The following SVEP1 variants were observed in gnomAD, a reference collection of about 807,000 sequenced individuals.
The protein encoded by SVEP1 is sushi, von Willebrand factor type A, EGF and pentraxin domain-containing protein 1.
Under a neutral mutation model 367.3 loss-of-function variants are expected in SVEP1, and 164 were observed. The ratio of observed to expected loss-of-function variants is 0.45; its 90% CI spans 0.39 to 0.51. The LOEUF (loss-of-function observed/expected upper bound fraction) is 0.51, where lower values mean the gene tolerates loss of function less well. Among genes scored for constraint, SVEP1 ranks in the 20% least tolerant of loss-of-function variants. SVEP1 has a pLI of 0.00. For missense variants in SVEP1, 4,117 were observed against 4,425.3 expected, an observed-to-expected ratio of 0.93 and a Z score of 1.98; for synonymous variants, 1,666 against 1,611.6, an observed-to-expected ratio of 1.03 and a Z score of -0.81.
chr9:110,563,862 T>G (rs1343244234), intron 1 of SVEP1, among the ~76,000 whole-genome samples: 2 of 152,344 alleles, frequency 1.3e-5, no homozygotes, highest in Non-Finnish European at 2.9e-5. Context: ...TGGTTCTCTG[T>G]GCAGTCTTAA....
rs770983477 is a variant in SVEP1, at chr9:110,406,696, C to A, written c.8904G>T (p.Gly2968=). ...GAAAGCACTGATACTGTATATGGCC[C>A]CCATGAATAAAGGAAAAACCATTAG... ...GFPNGFSFIH[G]GHIQYQCFPG... is the part of the protein sequence containing the mutation. Residue 2968 remains glycine, a synonymous_variant, in exon 38 of 48, where the codon GGG becomes GGT. Coordinates refer to ENST00000374469, the MANE Select transcript of SVEP1 (RefSeq NM_153366.4). The A allele has an allele frequency of 6.2e-7, 1 of 1,613,924 alleles. No individual in the cohort carries two copies. The highest frequency in any genetic ancestry group is 1.1e-5 in the South Asian group (1 of 91,082).
rs750971836 is a variant in SVEP1, at chr9:110,514,097, G to A, written c.974C>T (p.Ser325Leu). Residue 325 changes from serine to leucine, a missense_variant, in exon 4 of 48, where the codon TCG (serine) becomes TTG (leucine). Ser to Leu is a moderately radical substitution (Grantham distance 145). Transcript: ENST00000374469. ...GLQYECTACP[S>L]GTYKPEGSPG... ...TGAGCCTTCAGGTTTGTATGTCCCC[G>A]ATGGGCAAGCTGTGGGCAGACAAGC... The A allele has an allele frequency of 1.4e-5, 22 of 1,609,138 alleles. No individual in the cohort carries two copies. Among genetic ancestry groups the A allele is most frequent in the Admixed American group, 1.7e-5 (1 of 59,330 alleles).
chr9:110,564,998 T>C lies in SVEP1; in HGVS notation c.531+14015A>G, dbSNP rs557286796. The stretch of plus-strand genomic sequence containing the variant: ...AATATGCACTGGACATATAAATGAA[T>C]CTAGTTTATTACCTACCATACTTGA... On this transcript the variant is annotated intron_variant, in intron 1 of 47. Coordinates refer to ENST00000374469, the MANE Select transcript of SVEP1 (RefSeq NM_153366.4). Among the ~76,000 whole-genome samples, 33 of 152,260 alleles carry C rather than the reference T, an allele frequency of 2.2e-4. No individual in the cohort carries two copies. In the South Asian group the frequency reaches 5.2e-3, roughly 24 times the overall value.
At chr9:110,374,216 T>C (rs1182822916) in intron 46 of SVEP1, among the ~76,000 whole-genome samples, 3 of 152,208 alleles carry the variant, frequency 2.0e-5, no homozygotes, top group African/African-American at 7.2e-5. Flanking sequence ...GTTCCCATCA[T>C]TTAGCTCCCA....
At position 110,386,597 on chromosome 9, in the gene SVEP1, G is replaced by A. The variant is rs1268207587; in HGVS notation, c.10061-523C>T. ...CTATGGGCAGGATATTAGAACTAGT[G>A]GAGTTTGCATGTTTTATTGATAAAG... On this transcript the variant is annotated intron_variant, in intron 42 of 47. Transcript: ENST00000374469. Among the ~76,000 whole-genome samples the A allele has an allele frequency of 2.6e-5, 4 of 152,044 alleles. No homozygotes were observed. The East Asian group carries it at 7.7e-4, about 29-fold the overall frequency.
At chr9:110,487,276 A>G (rs1323651295) in intron 9 of SVEP1, among the ~76,000 whole-genome samples, 2 of 152,126 alleles carry the variant, frequency 1.3e-5, no homozygotes, top group Non-Finnish European at 2.9e-5. Context: ...ATAATTTGGG[A>G]ATTCAGTTAA....
chr9:110,465,731 A>T, intron 18 of SVEP1, 134 bp downstream of exon 18: 1 of 1,176,120 alleles, frequency 8.5e-7, no homozygotes, highest in Non-Finnish European at 1.2e-6. Flanking sequence ...AAACAAAAAA[A>T]CCTCTTTATG....
chr9:110,541,805 CTA>C (rs1482086837), intron 3 of SVEP1, among the ~76,000 whole-genome samples: 1 of 141,510 alleles, frequency 7.1e-6, no homozygotes, highest in East Asian at 2.1e-4. Flanking sequence ...CTATATATAT[CTA>C]TATACATAGA....
chr9:110,429,869 C>A, intron 34 of SVEP1, 51 bp downstream of exon 34: 1 of 1,480,078 alleles, frequency 6.8e-7, no homozygotes, highest in Admixed American at 1.7e-5. Flanking sequence ...ATATCACTAC[C>A]AGTATGCCAT....
At chr9:110,537,455 G>A (rs1830092878) in intron 3 of SVEP1, among the ~76,000 whole-genome samples, 2 of 151,918 alleles carry the variant, frequency 1.3e-5, no homozygotes, top group South Asian at 2.1e-4. Context: ...ACTCAGTCTA[G>A]TAGCACCTTT....
chr9:110,451,198 A>C (rs1828688127), intron 23 of SVEP1, 91 bp downstream of exon 23: 1 of 1,055,102 alleles, frequency 9.5e-7, no homozygotes, highest in Non-Finnish European at 1.4e-6. Context: ...AAAATCCAAA[A>C]ATTCACATTA....
intron 3 of SVEP1, among the ~76,000 whole-genome samples, chr9:110,524,349 TATAA>T (rs1250748169): frequency 1.3e-5 from 2 of 151,970 alleles, no homozygotes; most frequent in Non-Finnish European, 2.9e-5. Context: ...AGATGCAGAG[TATAA>T]ATAAACAAAA....
intron 10 of SVEP1, 93 bp downstream of exon 10, chr9:110,483,493 T>C (rs1208474050): frequency 2.9e-6 from 2 of 699,510 alleles, no homozygotes; most frequent in Non-Finnish European, 4.5e-6. Flanking sequence ...ACAGTTGTTA[T>C]TTGCTTTTTC....
At chr9:110,491,162 T>A (rs1829360136) in intron 8 of SVEP1, among the ~76,000 whole-genome samples, 1 of 151,894 alleles carries the variant, frequency 6.6e-6, no homozygotes, top group Non-Finnish European at 1.5e-5. Flanking sequence ...ATCATTCTGT[T>A]TATTTTTATT....
rs1564133480 is a variant in SVEP1 at position 110,407,043 on chromosome 9, T to C, written c.8557A>G (p.Lys2853Glu). Residue 2853 changes from lysine (K) to glutamate (E), a missense_variant, in exon 38 of 48, where the codon AAA becomes GAA. This residue lies in a region of SVEP1 where 1,765 missense variants were observed against 1,781.1 expected (regional missense o/e 0.99). Transcript: ENST00000374469. ...QVRGDEYTFQ[K>E]EIEYTCNEGF... is the part of the protein sequence containing the mutation. ...TCATTGCAAGTGTATTCAATCTCTT[T>C]TTGGAATGTGTACTCGTCTCCTCTC... The C allele has an allele frequency of 1.9e-6, 3 of 1,613,962 alleles. No individual in the cohort carries two copies. In the South Asian group the frequency reaches 3.3e-5, roughly 18 times the overall value.
Position 110,377,254 on chromosome 9 carries a change from T to A in SVEP1, c.10504+17A>T, listed in dbSNP as rs778833225. On this transcript the variant is annotated intron_variant, in intron 45 of 47. Coordinates refer to ENST00000374469, the MANE Select transcript of SVEP1 (RefSeq NM_153366.4). The stretch of plus-strand genomic sequence containing the variant: ...CAATTTGTCAGGACTCAAAGTAAGA[T>A]CTGAAGAGCAACTCACGTTCTTCAC... The A allele has an allele frequency of 1.2e-6, 2 of 1,611,364 alleles. No homozygotes were observed. The highest frequency in any genetic ancestry group is 8.5e-7 in the Non-Finnish European group (1 of 1,177,916).
intron 8 of SVEP1, 147 bp from the exon 9 acceptor site, chr9:110,489,926 T>G: frequency 9.8e-7 from 1 of 1,019,626 alleles, no homozygotes; most frequent in Non-Finnish European, 1.4e-6. Context: ...CATATTTCTT[T>G]CCAGATTATT....
chr9:110,558,370 T>G (rs1588108293), intron 1 of SVEP1, among the ~76,000 whole-genome samples: 3 of 146,058 alleles, frequency 2.1e-5, no homozygotes, highest in South Asian at 2.2e-4. Context: ...AAAAATAGGC[T>G]GGTTATGGTG....
chr9:110,512,313 G>C (rs1216355262), intron 5 of SVEP1, among the ~76,000 whole-genome samples: 1 of 151,842 alleles, frequency 6.6e-6, no homozygotes, highest in African/African-American at 2.4e-5. Context: ...ACAGTTGTAA[G>C]AAGTAGGAAA....
Sources: allele counts gnomAD v4.1 joint callset (sites outside exome capture counted in the v4.1 genomes callset), GRCh38; gene constraint gnomAD v4.1.1; regional missense constraint gnomAD v4.1.1; transcripts MANE v1.5; gene names NCBI Gene and HGNC (gene_info 2026-07-23, HGNC 2026-07-21).